The following B4GALNT2 variants were observed in gnomAD, a reference collection of about 807,000 sequenced individuals.
The protein encoded by B4GALNT2 is N-acetylneuraminylgalactosylglucosyl-glucoside beta-1,4-N- acetylgalactosaminyltransferase 2.
B4GALNT2 carries 42 observed loss-of-function variants against 51.1 expected under a neutral mutation model. That is an observed-to-expected ratio of 0.82 (90% CI 0.64 to 1.06). The LOEUF is 1.06. Among genes scored for constraint, B4GALNT2 ranks in the 50% least tolerant of loss-of-function variants. The pLI, the probability that B4GALNT2 is intolerant of heterozygous loss-of-function variation, is 0.00. For missense variants in B4GALNT2, 602 were observed against 633.6 expected (o/e 0.95, Z 0.54); for synonymous variants, 253 against 251.7 (o/e 1.01, Z -0.05).
chr17:49,152,798 A>G lies in B4GALNT2; in HGVS notation c.354-2A>G, dbSNP rs1229031951. 6.3e-7 allele frequency: 1 copy of G among 1,587,636 alleles called. No individual in the cohort carries two copies. The highest frequency in any genetic ancestry group is 8.6e-7 in the Non-Finnish European group (1 of 1,167,026). On this transcript the variant is annotated splice_acceptor_variant, in intron 3 of 10. Transcript: ENST00000393354. LOFTEE classifies it high-confidence loss of function. ...CTGACGTTTCTGTTCTCCTTCCTGC[A>G]GAGAAGGGCTGCCCCGCCCACTGCC...
upstream of B4GALNT2, among the ~76,000 whole-genome samples, chr17:49,131,217 C>A (rs1439434403): frequency 3.3e-5 from 5 of 152,026 alleles, no homozygotes; most frequent in African/African-American, 1.2e-4. Context: ...TTTTTACCCC[C>A]CTACATGCAC....
chr17:49,156,890 G>T (rs182085500), intron 5 of B4GALNT2, among the ~76,000 whole-genome samples: 1 of 152,212 alleles, frequency 6.6e-6, no homozygotes, highest in Non-Finnish European at 1.5e-5. Context: ...CTGGCACTGC[G>T]TGGCCTCTGT....
chr17:49,136,142 T>G (rs1172641547), intron 1 of B4GALNT2, among the ~76,000 whole-genome samples: 1 of 151,780 alleles, frequency 6.6e-6, no homozygotes, highest in East Asian at 1.9e-4. Context: ...TATATTAAAT[T>G]TATAAATTAC....
At chr17:49,162,589 C>T (rs879861519) in intron 7 of B4GALNT2, among the ~76,000 whole-genome samples, 46 of 152,098 alleles carry the variant, frequency 3.0e-4, no homozygotes, top group Admixed American at 8.5e-4. Context: ...GACATTTGTT[C>T]GATTGCAGCG....
At chr17:49,163,020 T>C (rs2042878855) in intron 7 of B4GALNT2, among the ~76,000 whole-genome samples, 1 of 149,904 alleles carries the variant, frequency 6.7e-6, no homozygotes, top group Non-Finnish European at 1.5e-5. Context: ...GGAAAGTGGC[T>C]CTGTGCACTC....
rs370341821 is a variant in B4GALNT2 at position 49,168,687 on chromosome 17, G to A, written c.1102G>A (p.Gly368Ser). Residue 368 changes from glycine to serine, a missense_variant, in exon 10 of 11, where the codon GGC (glycine) becomes AGC (serine). By Grantham distance (56) the Gly-to-Ser change is moderately conservative (BLOSUM62 0). Transcript: ENST00000393354. Reference sequence around the variant, plus strand: ...TTCTCTGCCTGCTGGCTAGGTAGGCGGCAGTGTGCTGGGAAATGTGTTCCA... The same window carrying A: ...TTCTCTGCCTGCTGGCTAGGTAGGCAGCAGTGTGCTGGGAAATGTGTTCCA... ...LEKTELDVVG[G>S]SVLGNVFQFK... The A allele has an allele frequency of 2.5e-5, 41 of 1,613,250 alleles. No homozygotes were observed. The highest frequency in any genetic ancestry group is 2.5e-4 in the African/African-American group (19 of 75,026).
rs2042960646 is a variant in B4GALNT2, at chr17:49,172,023, T to C, written c.*2295T>C. 2 of 253,614 alleles carry C rather than the reference T, an allele frequency of 7.9e-6. No homozygotes were observed. The highest frequency in any genetic ancestry group is 1.5e-5 in the Non-Finnish European group (2 of 133,410). The allele number at this position is 253,614 out of a possible 1,614,324, so 15.7% of individuals were successfully genotyped here. On this transcript the variant is annotated 3_prime_UTR_variant, in exon 11 of 11. Transcript: ENST00000393354. Reference sequence around the variant, plus strand: ...TAAGTATAACTGTTCTCTGTGTTGTTCCTTGTTGAAGGAATACTCATGGCA... The same window carrying C: ...TAAGTATAACTGTTCTCTGTGTTGTCCCTTGTTGAAGGAATACTCATGGCA...
chr17:49,127,821 C>A (rs187814564), upstream of B4GALNT2, among the ~76,000 whole-genome samples: 1 of 152,148 alleles, frequency 6.6e-6, no homozygotes, highest in Non-Finnish European at 1.5e-5. Context: ...TTTCCCAAAA[C>A]GGGATTCATG....
chr17:49,154,550 C>A (rs1367479908), intron 4 of B4GALNT2, among the ~76,000 whole-genome samples: 3 of 150,678 alleles, frequency 2.0e-5, no homozygotes, highest in Non-Finnish European at 2.9e-5. Context: ...AACAGCCCCC[C>A]GAAACCTGCA....
chr17:49,168,671 T>G lies in B4GALNT2; in HGVS notation c.1096-10T>G. 1 of 1,611,894 alleles carries G rather than the reference T, an allele frequency of 6.2e-7. No individual in the cohort carries two copies. The highest frequency in any genetic ancestry group is 8.5e-7 in the Non-Finnish European group (1 of 1,179,106). ...GCACTCTAACATGGATTTCTCTGCC[T>G]GCTGGCTAGGTAGGCGGCAGTGTGC... is the stretch of plus-strand genomic sequence containing the variant. On this transcript the variant is annotated splice_polypyrimidine_tract_variant and intron_variant, in intron 9 of 10. Coordinates refer to ENST00000393354, the MANE Select transcript of B4GALNT2 (RefSeq NM_001159387.2).
At chr17:49,145,300 C>T (rs952652831) in intron 3 of B4GALNT2, among the ~76,000 whole-genome samples, 22 of 152,130 alleles carry the variant, frequency 1.4e-4, no homozygotes, top group Non-Finnish European at 2.2e-4. Context: ...CGACCAGAAA[C>T]GCACCAATCC....
intron 3 of B4GALNT2, chr17:49,148,365 A>T: frequency 2.8e-6 from 1 of 356,414 alleles, no homozygotes; most frequent in South Asian, 2.1e-5. Flanking sequence ...CCACATCCAC[A>T]ACCAAATCTG....
At chr17:49,131,613 G>C (rs367629761), upstream of B4GALNT2, among the ~76,000 whole-genome samples, 1 of 151,618 alleles carries the variant, frequency 6.6e-6, no homozygotes, top group South Asian at 2.1e-4. Context: ...AGAGATTCTC[G>C]TGTTCTCGTG....
intron 8 of B4GALNT2, among the ~76,000 whole-genome samples, chr17:49,165,098 G>A (rs2042899015): frequency 6.6e-6 from 1 of 152,150 alleles, no homozygotes; most frequent in Admixed American, 6.5e-5. Flanking sequence ...ACAGGCGTGA[G>A]CCACTGTACA....
intron 1 of B4GALNT2, among the ~76,000 whole-genome samples, chr17:49,136,749 G>A (rs2042594205): frequency 6.6e-6 from 1 of 151,980 alleles, no homozygotes; most frequent in African/African-American, 2.4e-5. Flanking sequence ...GTTTCACCAT[G>A]TTGGCCAGGC....
chr17:49,133,763 A>G (rs1224788117), intron 1 of B4GALNT2, among the ~76,000 whole-genome samples: 1 of 152,152 alleles, frequency 6.6e-6, no homozygotes, highest in South Asian at 2.1e-4. Context: ...AAATACAAAA[A>G]TTAGCCGGGT....
chr17:49,155,577 G>A (rs2042801475), intron 4 of B4GALNT2, among the ~76,000 whole-genome samples: 1 of 149,398 alleles, frequency 6.7e-6, no homozygotes, highest in African/African-American at 2.5e-5. Flanking sequence ...ACTCCAGCCT[G>A]AGCGACAGAG....
In B4GALNT2 at chr17:49,170,543, T is replaced by G. The variant is rs542728982; in HGVS notation, c.*815T>G. ...GACAAGCCACTAAACTCCAGGGACC[T>G]GAGGCCAGTTGCTGGTCACTCAAAA... On this transcript the variant is annotated 3_prime_UTR_variant, in exon 11 of 11. Transcript: ENST00000393354. 1.3e-5 allele frequency: 2 copies of G among 151,408 alleles called. No homozygotes were observed. The highest frequency in any genetic ancestry group is 4.9e-5 in the African/African-American group (2 of 41,196). 9.4% of individuals were successfully genotyped at this position (151,408 alleles called of 1,614,324 possible). A position where few individuals can be genotyped will look rare whatever the true frequency, so the allele number is the denominator to read the frequency against.
intron 5 of B4GALNT2, among the ~76,000 whole-genome samples, chr17:49,156,860 G>C (rs2293216): frequency 6.6e-6 from 1 of 152,206 alleles, no homozygotes; most frequent in South Asian, 2.1e-4. Flanking sequence ...AAGAGGAAGC[G>C]GCCACTACAG....
Sources: gnomAD v4.1 joint callset for allele counts (sites outside exome capture counted in the v4.1 genomes callset) on GRCh38, gnomAD v4.1.1 for gene constraint, MANE v1.5 for transcripts, NCBI Gene and HGNC (gene_info 2026-07-23, HGNC 2026-07-21) for gene names.